Variants in SUDS3 observed in about 807,000 individuals in gnomAD.
The protein encoded by SUDS3 is SIN3A corepressor complex component SDS3.
A neutral mutation model predicts 53.5 loss-of-function variants in SUDS3; 23 were observed. That is an observed-to-expected ratio of 0.43 (90% confidence interval 0.31 to 0.61). SUDS3 has a LOEUF of 0.61. Among genes scored for constraint, SUDS3 ranks in the 20% least tolerant of loss-of-function variants. The probability of loss-of-function intolerance (pLI) is 0.10; values close to 1 mark genes in which losing one functional copy is unlikely to be tolerated. For synonymous variants in SUDS3, 150 were observed against 148.5 expected (o/e 1.01, Z -0.08); for missense variants, 291 against 405.9 (o/e 0.72, Z 2.43).
At chr12:118,383,717 T>C (rs2046088313) in intron 2 of SUDS3, among the ~76,000 whole-genome samples, 1 of 152,246 alleles carries the variant, frequency 6.6e-6, no homozygotes, top group African/African-American at 2.4e-5. Flanking sequence ...TAATTGTCAT[T>C]TATTAAAATC....
At chr12:118,413,716 A>G (rs895378735) in intron 11 of SUDS3, among the ~76,000 whole-genome samples, 1 of 152,212 alleles carries the variant, frequency 6.6e-6, no homozygotes, top group Non-Finnish European at 1.5e-5. Flanking sequence ...TCTGCCCTGT[A>G]AAATGCACTG....
intron 11 of SUDS3, among the ~76,000 whole-genome samples, chr12:118,411,604 TCTC>T (rs2046360539): frequency 6.6e-6 from 1 of 152,038 alleles, no homozygotes. Context: ...TTCAAGTGAT[TCTC>T]CTGCCTCAGC....
At position 118,414,899 on chromosome 12, in the gene SUDS3, A is replaced by C. The variant is rs1040222598; in HGVS notation, c.*466A>C. On this transcript the variant is annotated 3_prime_UTR_variant, in exon 12 of 12. Coordinates refer to ENST00000543473, the MANE Select transcript of SUDS3 (RefSeq NM_022491.3). ...CTACTTTCCCTGTCGCGTCCAATTC[A>C]CTATTTGCCCAGAAGCTTGGGGCAG... 6.6e-6 allele frequency: 1 copy of C among 152,478 alleles called. No individual in the cohort carries two copies. Among genetic ancestry groups the C allele is most frequent in the Non-Finnish European group, 1.5e-5 (1 of 68,262 alleles). 9.4% of individuals were successfully genotyped at this position (152,478 alleles called of 1,614,324 possible). A position where few individuals can be genotyped will look rare whatever the true frequency, so the allele number is the denominator to read the frequency against.
At chr12:118,386,286 C>T in intron 4 of SUDS3, 101 bp downstream of exon 4, 1 of 911,284 alleles carries the variant, frequency 1.1e-6, no homozygotes, top group Non-Finnish European at 1.7e-6. Context: ...AAAACATATC[C>T]CAGATACTCT....
chr12:118,391,647 A>G (rs1295175654), intron 6 of SUDS3, among the ~76,000 whole-genome samples: 1 of 152,214 alleles, frequency 6.6e-6, no homozygotes, highest in Non-Finnish European at 1.5e-5. Flanking sequence ...TGCCATTTGT[A>G]TCTTGGTTAT....
Position 118,391,300 on chromosome 12 carries a change from G to C in SUDS3, c.517+18G>C. 6.3e-7 allele frequency: 1 copy of C among 1,596,500 alleles called. No individual in the cohort carries two copies. The highest frequency in any genetic ancestry group is 8.5e-7 in the Non-Finnish European group (1 of 1,173,844). ...GACTGGAGGTAGGAAAGCCCTATGG[G>C]GTGGGATCTTGGGGGCCCTGAGCGG... is the stretch of plus-strand genomic sequence containing the variant. On this transcript the variant is annotated intron_variant, in intron 6 of 11. Transcript: ENST00000543473.
chr12:118,377,385 AACT>A (rs2046009101), intron 1 of SUDS3, among the ~76,000 whole-genome samples: 1 of 152,136 alleles, frequency 6.6e-6, no homozygotes, highest in Admixed American at 6.5e-5. Flanking sequence ...CGATTTACCC[AACT>A]GTAATGGAGC....
At chr12:118,385,757 T>C (rs964842663) in intron 3 of SUDS3, among the ~76,000 whole-genome samples, 1 of 152,236 alleles carries the variant, frequency 6.6e-6, no homozygotes, top group Non-Finnish European at 1.5e-5. Flanking sequence ...AAGGTTCTAC[T>C]GGAGAGCGTT....
intron 10 of SUDS3, among the ~76,000 whole-genome samples, chr12:118,409,432 A>G (rs1267506966): frequency 1.3e-5 from 2 of 152,250 alleles, no homozygotes; most frequent in East Asian, 3.8e-4. Flanking sequence ...GGCGTGAGCC[A>G]CCACGCCCGG....
chr12:118,407,163 G>T (rs1246344237), intron 10 of SUDS3, among the ~76,000 whole-genome samples: 2 of 152,070 alleles, frequency 1.3e-5, no homozygotes, highest in African/African-American at 4.8e-5. Flanking sequence ...GCCTCCCAAA[G>T]TGCTGGGATT....
Position 118,415,713 on chromosome 12 carries a change from GTAAGT to G in SUDS3, c.*1281_*1285del, listed in dbSNP as rs1566214334. ...TACACATCCTAGGAAATCTTTCTTT[GTAAGT>G]AATTCTTTTGGTCTCAAGTGATTCT... On this transcript the variant is annotated 3_prime_UTR_variant, in exon 12 of 12. Transcript: ENST00000543473. The G allele has an allele frequency of 6.6e-6, 1 of 152,114 alleles. No individual in the cohort carries two copies. Among genetic ancestry groups the G allele is most frequent in the Non-Finnish European group, 1.5e-5 (1 of 68,028 alleles). The allele number at this position is 152,114 out of a possible 1,614,324, so 9.4% of individuals were successfully genotyped here. A position where few individuals can be genotyped will look rare whatever the true frequency, so the allele number is the denominator to read the frequency against.
chr12:118,380,916 G>A (rs1295129660), intron 2 of SUDS3, among the ~76,000 whole-genome samples: 1 of 152,170 alleles, frequency 6.6e-6, no homozygotes, highest in African/African-American at 2.4e-5. Flanking sequence ...TGTTGGCCAG[G>A]CTGGTCTCGA....
In SUDS3 at chr12:118,386,191, G is replaced by A; in HGVS notation, c.340+6G>A. The A allele has an allele frequency of 6.9e-6, 11 of 1,591,772 alleles. No homozygotes were observed. Among genetic ancestry groups the A allele is most frequent in the Non-Finnish European group, 9.4e-6 (11 of 1,168,342 alleles). On this transcript the variant is annotated splice_donor_region_variant and intron_variant, in intron 4 of 11. Coordinates refer to ENST00000543473, the MANE Select transcript of SUDS3 (RefSeq NM_022491.3). ...AGAGAGGATACGGAATGCAGGTAAGGCTCCTTTAAATGGCAATGAATCATC... is the reference window on the plus strand; with the variant it reads ...AGAGAGGATACGGAATGCAGGTAAGACTCCTTTAAATGGCAATGAATCATC...
intron 1 of SUDS3, among the ~76,000 whole-genome samples, chr12:118,379,194 T>C (rs1017367427): frequency 6.6e-6 from 1 of 151,666 alleles, no homozygotes; most frequent in Admixed American, 6.6e-5. Flanking sequence ...CCCAGCACTT[T>C]GGAATGCGAA....
At chr12:118,393,914 G>A (rs1171989560) in intron 6 of SUDS3, among the ~76,000 whole-genome samples, 3 of 151,728 alleles carry the variant, frequency 2.0e-5, no homozygotes, top group Admixed American at 6.6e-5. Flanking sequence ...CAGGTGATCC[G>A]CCTGCCTCAG....
chr12:118,380,310 A>G, intron 2 of SUDS3, 79 bp downstream of exon 2: 5 of 1,258,152 alleles, frequency 4.0e-6, no homozygotes, highest in Non-Finnish European at 5.6e-6. Flanking sequence ...CCAAATCTGA[A>G]ATCTCAGATG....
Position 118,415,774 on chromosome 12 carries a change from C to T in SUDS3, c.*1341C>T, listed in dbSNP as rs1201838051. 1 of 149,308 alleles carries T rather than the reference C, an allele frequency of 6.7e-6. No homozygotes were observed. Among genetic ancestry groups the T allele is most frequent in the Non-Finnish European group, 1.5e-5 (1 of 66,282 alleles). The allele number at this position is 149,308 out of a possible 1,614,324, so 9.2% of individuals were successfully genotyped here. ...TGTTGTCTCTTGATGTACATACCCCCAAGCAAGTTGGGGGGACTGTGATGA... is the reference window on the plus strand; with the variant it reads ...TGTTGTCTCTTGATGTACATACCCCTAAGCAAGTTGGGGGGACTGTGATGA... On this transcript the variant is annotated 3_prime_UTR_variant, in exon 12 of 12. Transcript: ENST00000543473.
intron 4 of SUDS3, 33 bp from the exon 5 acceptor site, chr12:118,389,894 A>G (rs2046150128): frequency 6.2e-7 from 1 of 1,613,808 alleles, no homozygotes; most frequent in African/African-American, 1.3e-5. Context: ...GGCACAGCCT[A>G]GCAAATCTAA....
At chr12:118,385,730 A>G (rs2046109252) in intron 3 of SUDS3, among the ~76,000 whole-genome samples, 1 of 152,244 alleles carries the variant, frequency 6.6e-6, no homozygotes, top group South Asian at 2.1e-4. Context: ...TTGCAAATAT[A>G]AAACACACCA....
Sources: allele counts gnomAD v4.1 joint callset (sites outside exome capture counted in the v4.1 genomes callset), GRCh38; gene constraint gnomAD v4.1.1; transcripts MANE v1.5; gene names NCBI Gene and HGNC (gene_info 2026-07-23, HGNC 2026-07-21).